Variants in KALRN observed in about 807,000 individuals in gnomAD.
KALRN encodes kalirin RhoGEF kinase.
A neutral mutation model predicts 353.7 loss-of-function variants in KALRN; 70 were observed. That is an observed-to-expected ratio of 0.20 (90% CI 0.16 to 0.24). KALRN has a LOEUF of 0.24. Among genes scored for constraint, KALRN ranks in the 10% least tolerant of loss-of-function variants. The probability of loss-of-function intolerance (pLI) is 1.00; values close to 1 mark genes in which losing one functional copy is unlikely to be tolerated. For missense variants in KALRN, 2,791 were observed against 3,756.7 expected (o/e 0.74, Z 6.72); for synonymous variants, 1,391 against 1,434.8 (o/e 0.97, Z 0.69).
chr3:124,038,371 G>C (rs570157817), intron 1 of KALRN, among the ~76,000 whole-genome samples: 1 of 152,224 alleles, frequency 6.6e-6, no homozygotes, highest in African/African-American at 2.4e-5. Context: ...GGAAAAAGAG[G>C]TGTGTGCTTA....
rs1231654429 is a variant in KALRN at position 124,347,255 on chromosome 3, A to T, written c.1760A>T (p.Glu587Val). 1 of 1,586,486 alleles carries T rather than the reference A, an allele frequency of 6.3e-7. No homozygotes were observed. The highest frequency in any genetic ancestry group is 1.4e-5 in the African/African-American group (1 of 71,522). Residue 587 changes from glutamate to valine, a missense_variant, in exon 10 of 60, where the codon GAG (glutamate) becomes GTG (valine). Physicochemically the swap from Glu to Val is moderately radical, Grantham distance 121 (BLOSUM62 -2). This residue lies in a region of KALRN where 15 missense variants were observed against 54.6 expected (regional missense o/e 0.27). Transcript: ENST00000682506. ...ALQKRHDDFE[E>V]VAQNTYTNAD... ...CAGAAGAGGCATGATGACTTTGAAG[A>T]GGTGGCTCAGGTGAGAAGCTGTGTG...
rs185202379 is a variant in KALRN, at chr3:124,575,266, A to C, written c.5182+12177A>C. On this transcript the variant is annotated intron_variant, in intron 34 of 59. Coordinates refer to ENST00000682506, the MANE Select transcript of KALRN (RefSeq NM_001388419.1). ...CCACATGGGCCTCTAGGCCACAGGA[A>C]GTCTGGCTCCTCACCTTTGTACACA... 2.1e-3 allele frequency among the ~76,000 whole-genome samples: 326 copies of C among 152,342 alleles called. 1 individual carries two copies. The highest frequency in any genetic ancestry group is 5.2e-3 in the South Asian group (25 of 4,828).
intron 39 of KALRN, 61 bp downstream of exon 39, chr3:124,655,728 C>A: frequency 1.7e-6 from 2 of 1,212,052 alleles, no homozygotes; most frequent in South Asian, 1.2e-5. Context: ...TGGACCCTAC[C>A]TAGGCCAAGG....
At chr3:124,069,432 G>C (rs768506176) in intron 1 of KALRN, among the ~76,000 whole-genome samples, 1 of 151,872 alleles carries the variant, frequency 6.6e-6, no homozygotes, top group Non-Finnish European at 1.5e-5. Flanking sequence ...GAGCTGAGTC[G>C]ACACGTGTCC....
At chr3:124,616,689 G>GGC (rs1433835113) in intron 34 of KALRN, among the ~76,000 whole-genome samples, 1 of 152,192 alleles carries the variant, frequency 6.6e-6, no homozygotes, top group Admixed American at 6.5e-5. Flanking sequence ...GAACTGGCCA[G>GGC]GCGCGGTAGC....
At chr3:124,264,469 G>T in intron 3 of KALRN, 29 bp from the exon 4 acceptor site, 3 of 1,605,106 alleles carry the variant, frequency 1.9e-6, no homozygotes, top group South Asian at 2.2e-5. Context: ...TACCCAGAGT[G>T]ACCATACCGA....
At chr3:124,552,581 G>C (rs999602241) in intron 33 of KALRN, among the ~76,000 whole-genome samples, 1 of 152,118 alleles carries the variant, frequency 6.6e-6, no homozygotes, top group African/African-American at 2.4e-5. Flanking sequence ...TGTTTCTCTA[G>C]GATGCCCAGT....
intron 23 of KALRN, 37 bp downstream of exon 23, chr3:124,456,765 G>C: frequency 6.9e-7 from 1 of 1,452,260 alleles, no homozygotes; most frequent in South Asian, 1.2e-5. Context: ...CTGGCTCCCC[G>C]TGACTATGCT....
chr3:124,516,285 C>T (rs2066539328), intron 33 of KALRN, among the ~76,000 whole-genome samples: 1 of 152,120 alleles, frequency 6.6e-6, no homozygotes. Context: ...GCTTTGAAGT[C>T]ACACAAACCT....
At chr3:124,670,018 G>A (rs925232887) in intron 47 of KALRN, among the ~76,000 whole-genome samples, 1 of 148,472 alleles carries the variant, frequency 6.7e-6, no homozygotes, top group Non-Finnish European at 1.5e-5. Flanking sequence ...CGCCCAGGCT[G>A]GAGTGCAGTG....
At chr3:124,091,483 T>C (rs561412773) in intron 1 of KALRN, among the ~76,000 whole-genome samples, 1 of 152,286 alleles carries the variant, frequency 6.6e-6, no homozygotes, top group East Asian at 1.9e-4. Flanking sequence ...TATACACTTG[T>C]GCTGGCTTTA....
At chr3:124,244,839 A>T (rs1008653252) in intron 3 of KALRN, among the ~76,000 whole-genome samples, 1 of 152,004 alleles carries the variant, frequency 6.6e-6, no homozygotes, top group South Asian at 2.1e-4. Context: ...TAGTTGTTAC[A>T]TATATAATTT....
intron 32 of KALRN, among the ~76,000 whole-genome samples, chr3:124,494,091 T>A (rs1396853158): frequency 6.6e-6 from 1 of 152,230 alleles, no homozygotes; most frequent in Non-Finnish European, 1.5e-5. Context: ...TTATTTACCC[T>A]GACATAGCCC....
At chr3:124,316,681 G>A (rs550963834) in intron 6 of KALRN, among the ~76,000 whole-genome samples, 2 of 152,222 alleles carry the variant, frequency 1.3e-5, no homozygotes, top group Admixed American at 6.5e-5. Context: ...GCCCCATCAC[G>A]TGCTATCCTT....
chr3:124,441,345 T>A (rs937862396), intron 18 of KALRN, among the ~76,000 whole-genome samples: 1 of 152,082 alleles, frequency 6.6e-6, no homozygotes, highest in Non-Finnish European at 1.5e-5. Context: ...AGACGAGAGG[T>A]GGCTCATTTC....
At chr3:124,639,855 C>A (rs774703973) in intron 37 of KALRN, among the ~76,000 whole-genome samples, 9 of 152,176 alleles carry the variant, frequency 5.9e-5, no homozygotes, top group Non-Finnish European at 1.2e-4. Flanking sequence ...ACCAAGCTCA[C>A]GTCACAGAAA....
chr3:124,498,226 C>G (rs1247607590), intron 33 of KALRN, among the ~76,000 whole-genome samples: 1 of 152,228 alleles, frequency 6.6e-6, no homozygotes, highest in Non-Finnish European at 1.5e-5. Flanking sequence ...GCATATTTCA[C>G]AGAAACAGTG....
chr3:124,231,974 G>A (rs552455011), intron 2 of KALRN, among the ~76,000 whole-genome samples: 30 of 152,148 alleles, frequency 2.0e-4, no homozygotes, highest in African/African-American at 6.8e-4. Flanking sequence ...GATTATGCAC[G>A]TCCAAGATCT....
intron 1 of KALRN, chr3:124,152,623 T>G: frequency 3.4e-6 from 2 of 593,634 alleles, no homozygotes; most frequent in Non-Finnish European, 5.8e-6. Context: ...AGACAGAGCC[T>G]CTCTCTGTTG....
Sources: gnomAD v4.1 joint callset for allele counts (sites outside exome capture counted in the v4.1 genomes callset) on GRCh38, gnomAD v4.1.1 for gene constraint, gnomAD v4.1.1 regional missense constraint, MANE v1.5 for transcripts, NCBI Gene and HGNC (gene_info 2026-07-23, HGNC 2026-07-21) for gene names.